Variants in AKAP11 observed in about 807,000 individuals in gnomAD.
AKAP11 encodes A-kinase anchor protein 11.
In AKAP11, 36 loss-of-function variants were observed where a neutral mutation model predicts 146.1. The observed-to-expected ratio is 0.25, with a 90% confidence interval of 0.19 to 0.33. AKAP11 has a LOEUF of 0.33. Among genes scored for constraint, AKAP11 ranks in the 10% least tolerant of loss-of-function variants. The pLI is 1.00. For synonymous variants in AKAP11, 780 were observed against 786.5 expected (o/e 0.99, Z 0.14); for missense variants, 2,201 against 2,197.0 (o/e 1.00, Z -0.04).
chr13:42,287,703 G>A (rs1435597591), intron 3 of AKAP11, among the ~76,000 whole-genome samples: 1 of 152,022 alleles, frequency 6.6e-6, no homozygotes, highest in Admixed American at 6.6e-5. Context: ...TCTACTCTTT[G>A]TAAACTATAG....
Position 42,300,253 on chromosome 13 carries a change from G to A in AKAP11, c.1507G>A (p.Val503Ile). 6.2e-7 allele frequency: 1 copy of A among 1,613,886 alleles called. No homozygotes were observed. ...CATTTCATGTGAAGTACTAGGCTCA[G>A]TTCTTCGTACCCACCATACTAATAC... is the stretch of plus-strand genomic sequence containing the variant. ...KSISCEVLGS[V>I]LRTHHTNTLS... Residue 503 changes from valine to isoleucine, a missense_variant, in exon 8 of 13, where the codon GTT (valine) becomes ATT (isoleucine). Around this residue, in one of 3 missense-constraint regions of AKAP11, gnomAD observed 1,867 missense variants for 1,833.5 expected, o/e 1.02. Transcript: ENST00000025301.
intron 8 of AKAP11, among the ~76,000 whole-genome samples, chr13:42,304,317 T>C (rs951995393): frequency 2.0e-5 from 3 of 152,360 alleles, no homozygotes; most frequent in African/African-American, 7.2e-5. Flanking sequence ...ACCATCTCAC[T>C]CAGGATGTGA....
At chr13:42,281,976 C>T (rs1175492231) in intron 1 of AKAP11, among the ~76,000 whole-genome samples, 1 of 145,980 alleles carries the variant, frequency 6.9e-6, no homozygotes, top group Non-Finnish European at 1.5e-5. Flanking sequence ...ATAATTTTTT[C>T]TTTCTTTTTT....
At chr13:42,308,659 G>T (rs370324333) in intron 9 of AKAP11, 50 bp downstream of exon 9, 9 of 1,389,728 alleles carry the variant, frequency 6.5e-6, no homozygotes, top group Non-Finnish European at 8.8e-6. Flanking sequence ...TCAGATCTTA[G>T]AAGTGAGCTA....
intron 4 of AKAP11, among the ~76,000 whole-genome samples, chr13:42,293,942 A>T (rs1959350314): frequency 6.6e-6 from 1 of 152,210 alleles, no homozygotes; most frequent in African/African-American, 2.4e-5. Flanking sequence ...ACTTTCCTCT[A>T]CATTATCCAG....
chr13:42,303,083 C>A lies in AKAP11; in HGVS notation c.4337C>A (p.Pro1446Gln). The A allele has an allele frequency of 6.2e-7, 1 of 1,613,522 alleles. No homozygotes were observed. Among genetic ancestry groups the A allele is most frequent in the Non-Finnish European group, 8.5e-7 (1 of 1,179,934 alleles). The change falls in exon 8 of 13, where the codon CCA becomes CAA. Residue 1446 changes from proline (P) to glutamine (Q), a missense_variant. By Grantham distance (76) the Pro-to-Gln change is moderately conservative. Around this residue, in one of 3 missense-constraint regions of AKAP11, gnomAD observed 1,867 missense variants for 1,833.5 expected, o/e 1.02. Transcript: ENST00000025301. ...KNQTCERTLDPYRNEVSQLYS... is the reference protein window; with the variant it reads ...KNQTCERTLDQYRNEVSQLYS... Reference sequence around the variant, plus strand: ...CAAACTTGTGAAAGGACCCTGGATCCATATAGAAATGAGGTCTCCCAACTG... The same window carrying A: ...CAAACTTGTGAAAGGACCCTGGATCAATATAGAAATGAGGTCTCCCAACTG...
rs117143377 is a variant in AKAP11, at chr13:42,275,414, T to A, written c.-100+3186T>A. 1.8e-3 allele frequency among the ~76,000 whole-genome samples: 281 copies of A among 152,336 alleles called. 5 individuals are homozygous for A. The East Asian group carries it at 0.049, about 27-fold the overall frequency. ...GGTTTCTGCTTCTAGCACAGTTGGC[T>A]GGAGAGTGAGGAAAGATAGGAATGG... On this transcript the variant is annotated intron_variant, in intron 1 of 12. Transcript: ENST00000025301.
chr13:42,299,605 G>T lies in AKAP11; in HGVS notation c.859G>T (p.Ala287Ser). The change falls in exon 8 of 13, where the codon GCT (alanine) becomes TCT (serine). Residue 287 changes from alanine to serine, a missense_variant. By Grantham distance (99) the Ala-to-Ser change is moderately conservative (BLOSUM62 1). Around this residue, in one of 3 missense-constraint regions of AKAP11, gnomAD observed 331 missense variants for 347.4 expected, o/e 0.95. Transcript: ENST00000025301. ...AAGGAGTTTCTATAGGTCATCTAATGCTTCAGATAAAGATAGTGATTTACA... is the reference window on the plus strand; with the variant it reads ...AAGGAGTTTCTATAGGTCATCTAATTCTTCAGATAAAGATAGTGATTTACA... ...TQRSFYRSSN[A>S]SDKDSDLQKT... is the part of the protein sequence containing the mutation. 1 of 1,613,968 alleles carries T rather than the reference G, an allele frequency of 6.2e-7. No homozygotes were observed. Among genetic ancestry groups the T allele is most frequent in the Non-Finnish European group, 8.5e-7 (1 of 1,179,902 alleles).
At position 42,295,730 on chromosome 13, in the gene AKAP11, T is replaced by C; in HGVS notation, c.204T>C (p.Ala68=). Residue 68 remains alanine, a synonymous_variant, in exon 5 of 13, where the codon GCT becomes GCC. Coordinates refer to ENST00000025301, the MANE Select transcript of AKAP11 (RefSeq NM_016248.4). ...TFLGFNEETD[A]AHIQDLAAVS... ...TGGGTTTTAATGAAGAGACAGATGC[T>C]GCTCATATACAGGTATGGTGAATTT... The C allele has an allele frequency of 6.2e-7, 1 of 1,610,868 alleles. No homozygotes were observed. Among genetic ancestry groups the C allele is most frequent in the Non-Finnish European group, 8.5e-7 (1 of 1,179,098 alleles).
At chr13:42,299,239 A>C (rs1959700665) in intron 7 of AKAP11, 124 bp from the exon 8 acceptor site, 1 of 815,252 alleles carries the variant, frequency 1.2e-6, no homozygotes, top group Non-Finnish European at 1.9e-6. Flanking sequence ...TCTTTCTGTT[A>C]AACATAGTTT....
Position 42,320,557 on chromosome 13 carries a change from C to G in AKAP11, c.*1329C>G, listed in dbSNP as rs1003027769. ...TGTCTCTCACCTCCCCCACCCCCCA[C>G]TCTCTCTCATCTCTCGCTGTGTCCT... is the stretch of plus-strand genomic sequence containing the variant. On this transcript the variant is annotated 3_prime_UTR_variant, in exon 13 of 13. Coordinates refer to ENST00000025301, the MANE Select transcript of AKAP11 (RefSeq NM_016248.4). 16 of 150,040 alleles carry G rather than the reference C, an allele frequency of 1.1e-4. No homozygotes were observed. Among genetic ancestry groups the G allele is most frequent in the Admixed American group, 4.0e-4 (6 of 14,998 alleles). The allele number at this position is 150,040 out of a possible 1,614,324, so 9.3% of individuals were successfully genotyped here.
Position 42,299,387 on chromosome 13 carries a change from G to T in AKAP11, c.641G>T (p.Ser214Ile). The change falls in exon 8 of 13, where the codon AGC (serine) becomes ATC (isoleucine). Residue 214 changes from serine (S) to isoleucine (I), a missense_variant. By Grantham distance (142) the Ser-to-Ile change is moderately radical. This residue lies in a region of AKAP11 where 331 missense variants were observed against 347.4 expected (regional missense o/e 0.95). Coordinates refer to ENST00000025301, the MANE Select transcript of AKAP11 (RefSeq NM_016248.4). The stretch of plus-strand genomic sequence containing the variant: ...GGAATGAACATTACTGTGCTAAGGA[G>T]CCAGTGTGATGCTGCTTCCCAGACG... ...NDGMNITVLR[S>I]QCDAASQTVT... The T allele has an allele frequency of 1.2e-6, 2 of 1,613,476 alleles. No homozygotes were observed. The highest frequency in any genetic ancestry group is 1.7e-6 in the Non-Finnish European group (2 of 1,179,690).
At position 42,302,173 on chromosome 13, in the gene AKAP11, A is replaced by T; in HGVS notation, c.3427A>T (p.Asn1143Tyr). The change falls in exon 8 of 13, where the codon AAC becomes TAC. Residue 1143 changes from asparagine to tyrosine, a missense_variant. Coordinates refer to ENST00000025301, the MANE Select transcript of AKAP11 (RefSeq NM_016248.4). ...TGCTACACCACCTTCTACTCCACAC[A>T]ACTCATCTGTTGGTAGTTTGTCTGA... ...APATPPSTPH[N>Y]SSVGSLSENE... The T allele has an allele frequency of 6.2e-7, 1 of 1,614,182 alleles. No homozygotes were observed. The highest frequency in any genetic ancestry group is 8.5e-7 in the Non-Finnish European group (1 of 1,180,002).
rs1380609896 is a variant in AKAP11, at chr13:42,274,713, T to TA, written c.-100+2488dup. Among the ~76,000 whole-genome samples, 848 of 152,156 alleles carry TA rather than the reference T, an allele frequency of 5.6e-3. 6 individuals are homozygous for TA. The highest frequency in any genetic ancestry group is 8.3e-3 in the Non-Finnish European group (563 of 67,976). On this transcript the variant is annotated intron_variant, in intron 1 of 12. Transcript: ENST00000025301. ...AAACAACAACAAAAAACTTCTGGAG[T>TA]AAAGGCATTTGAAATTTGTAGATTA...
chr13:42,296,059 T>G (rs939364257), intron 5 of AKAP11, among the ~76,000 whole-genome samples: 2 of 152,180 alleles, frequency 1.3e-5, no homozygotes, highest in Admixed American at 1.3e-4. Flanking sequence ...GGGACTGATG[T>G]TTGAGATTGG....
chr13:42,305,687 T>C (rs1435705996), intron 8 of AKAP11, among the ~76,000 whole-genome samples: 1 of 152,204 alleles, frequency 6.6e-6, no homozygotes, highest in Non-Finnish European at 1.5e-5. Flanking sequence ...AGTTGAGTAG[T>C]TGGGACAGAG....
Position 42,302,352 on chromosome 13 carries a change from A to G in AKAP11, c.3606A>G (p.Leu1202=), listed in dbSNP as rs755572512. The G allele has an allele frequency of 6.2e-7, 1 of 1,614,210 alleles. No homozygotes were observed. The highest frequency in any genetic ancestry group is 1.7e-5 in the Admixed American group (1 of 60,022). The stretch of plus-strand genomic sequence containing the variant: ...AGAAGGTTCAGTTTGCAGAAGCATT[A>G]GCTACACACATCCTTTCTCTTGCAA... ...SGKKVQFAEA[L]ATHILSLATE... The change falls in exon 8 of 13, where the codon TTA becomes TTG. Residue 1202 remains leucine, a synonymous_variant. Transcript: ENST00000025301.
In AKAP11 at chr13:42,300,204, C is replaced by T. The variant is rs1160971722; in HGVS notation, c.1458C>T (p.Tyr486=). The part of the protein sequence containing the change: ...RIHENHDSVY[Y]TYEDYAKSIS... ...ATGAAAATCATGATTCTGTTTATTA[C>T]ACCTATGAAGACTATGCAAAAAGCA... Residue 486 remains tyrosine (Y), a synonymous_variant, in exon 8 of 13, where the codon TAC becomes TAT. Transcript: ENST00000025301. 2 of 1,613,948 alleles carry T rather than the reference C, an allele frequency of 1.2e-6. No individual in the cohort carries two copies. The highest frequency in any genetic ancestry group is 1.7e-5 in the Admixed American group (1 of 60,004).
intron 1 of AKAP11, 29 bp downstream of exon 1, chr13:42,272,257 G>C (rs1041331521): frequency 6.6e-6 from 1 of 152,490 alleles, no homozygotes; most frequent in African/African-American, 2.4e-5. Context: ...TGCTCGCCGC[G>C]GAGGCTGCGT....
Sources: allele counts gnomAD v4.1 joint callset (sites outside exome capture counted in the v4.1 genomes callset), GRCh38; gene constraint gnomAD v4.1.1; regional missense constraint gnomAD v4.1.1; transcripts MANE v1.5; gene names NCBI Gene and HGNC (gene_info 2026-07-23, HGNC 2026-07-21).